Variants in CASD1 observed in about 807,000 individuals in gnomAD.
The protein encoded by CASD1 is CAS1 domain sialic acid O acetyltransferase 1.
In CASD1, 41 loss-of-function variants were observed where a neutral mutation model predicts 100.0. The observed-to-expected ratio is 0.41, with a 90% CI of 0.32 to 0.53. The LOEUF is 0.53. CASD1 is among the 20% of genes least tolerant of loss of function. CASD1 has a pLI of 0.25. For synonymous variants in CASD1, 321 were observed against 315.6 expected, an observed-to-expected ratio of 1.02 and a Z score of -0.18; for missense variants, 774 against 948.7, an observed-to-expected ratio of 0.82 and a Z score of 2.42.
the CASD1 span, chr7:94,623,883 C>T: frequency 2.8e-6 from 1 of 356,816 alleles, no homozygotes; most frequent in Non-Finnish European, 5.0e-6. Flanking sequence ...ATAAATAACC[C>T]TTTGGAAATC....
At chr7:94,539,428 G>A (rs546596838) in intron 10 of CASD1, among the ~76,000 whole-genome samples, 3 of 151,950 alleles carry the variant, frequency 2.0e-5, no homozygotes, top group Non-Finnish European at 4.4e-5. Flanking sequence ...TAGCACTTTC[G>A]GAGGCCGAGG....
intron 13 of CASD1, among the ~76,000 whole-genome samples, chr7:94,549,064 G>A (rs1562948888): frequency 6.6e-6 from 1 of 152,042 alleles, no homozygotes; most frequent in African/African-American, 2.4e-5. Flanking sequence ...GAGGACATTT[G>A]GAGAATGATA....
chr7:94,600,776 G>A, the CASD1 span: 3 of 1,613,598 alleles, frequency 1.9e-6, no homozygotes, highest in Non-Finnish European at 2.5e-6. Flanking sequence ...TCAGAAGGGG[G>A]TTTGTATTCT....
chr7:94,524,765 A>T (rs2116248096), intron 3 of CASD1, among the ~76,000 whole-genome samples: 1 of 152,260 alleles, frequency 6.6e-6, no homozygotes, highest in African/African-American at 2.4e-5. Flanking sequence ...ATGATACTTG[A>T]TATTAATAAA....
chr7:94,615,401 GATAGATAGATA>G, the CASD1 span, among the ~76,000 whole-genome samples: 2 of 149,988 alleles, frequency 1.3e-5, no homozygotes, highest in East Asian at 3.9e-4. Flanking sequence ...TAGATAGATA[GATAGATAGATA>G]GATAGATAGA....
At chr7:94,587,895 T>C in the CASD1 span, 7 of 1,495,890 alleles carry the variant, frequency 4.7e-6, no homozygotes, top group Non-Finnish European at 6.2e-6. Context: ...CTGAAGTTTT[T>C]AAGAGACTTA....
the CASD1 span, among the ~76,000 whole-genome samples, chr7:94,575,008 T>G: frequency 4.7e-3 from 722 of 152,144 alleles, 6 homozygotes; most frequent in African/African-American, 0.016. Flanking sequence ...TTCCTGGATT[T>G]GTTGATCTTT....
the CASD1 span, chr7:94,597,087 G>A: frequency 2.0e-5 from 3 of 151,726 alleles, no homozygotes; most frequent in Non-Finnish European, 4.4e-5. Context: ...CATAATAGGT[G>A]GGCTACTGAC....
Position 94,547,154 on chromosome 7 carries a change from A to G in CASD1, c.1692A>G (p.Ile564Met). Residue 564 changes from isoleucine to methionine, a missense_variant, in exon 13 of 18, where the codon ATA (isoleucine) becomes ATG (methionine). Ile to Met is a conservative substitution (Grantham distance 10, BLOSUM62 1). Coordinates refer to ENST00000297273, the MANE Select transcript of CASD1 (RefSeq NM_022900.5). ...LLKLGFLLLF[I>M]CFLAYSQGAF... ...AACTAGGCTTTTTGCTGTTATTCAT[A>G]TGTTTTTTGGCATATTCTCAGGTTT... 6.3e-7 allele frequency: 1 copy of G among 1,589,308 alleles called. No individual in the cohort carries two copies. The highest frequency in any genetic ancestry group is 1.2e-5 in the South Asian group (1 of 85,048).
chr7:94,627,162 A>G, the CASD1 span: 4 of 152,218 alleles, frequency 2.6e-5, no homozygotes, highest in African/African-American at 9.6e-5. Context: ...TTCAATTCCA[A>G]CTGAATTGGC....
At chr7:94,583,266 A>G in the CASD1 span, among the ~76,000 whole-genome samples, 1 of 152,198 alleles carries the variant, frequency 6.6e-6, no homozygotes, top group East Asian at 1.9e-4. Flanking sequence ...TGACCTAAAT[A>G]AATGTTTAGG....
At chr7:94,564,113 G>C in the CASD1 span, among the ~76,000 whole-genome samples, 2 of 152,186 alleles carry the variant, frequency 1.3e-5, no homozygotes, top group African/African-American at 4.8e-5. Flanking sequence ...AAGCAAATGA[G>C]TATTTTTGTC....
chr7:94,553,221 G>A (rs1196195932), intron 16 of CASD1: 1 of 285,544 alleles, frequency 3.5e-6, no homozygotes, highest in Non-Finnish European at 7.1e-6. Flanking sequence ...GCTATAGTAA[G>A]TACCTTATGT....
At chr7:94,574,711 G>A in the CASD1 span, among the ~76,000 whole-genome samples, 10 of 150,574 alleles carry the variant, frequency 6.6e-5, no homozygotes, top group Non-Finnish European at 1.2e-4. Context: ...TGGCTCATGC[G>A]TGTAATCCCA....
Position 94,533,691 on chromosome 7 carries a change from A to G in CASD1, c.517A>G (p.Ile173Val). The change falls in exon 7 of 18, where the codon ATT becomes GTT. Residue 173 changes from isoleucine (I) to valine (V), a missense_variant. Transcript: ENST00000297273. The part of the protein sequence containing the change: ...VAGAATWSIK[I>V]HNGSSEALSQ... ...TACTTCTTTTTAGTGGTCCATCAAGATTCACAATGGTAGCAGTGAAGCGCT... is the reference window on the plus strand; with the variant it reads ...TACTTCTTTTTAGTGGTCCATCAAGGTTCACAATGGTAGCAGTGAAGCGCT... 1 of 1,598,182 alleles carries G rather than the reference A, an allele frequency of 6.3e-7. No homozygotes were observed. Among genetic ancestry groups the G allele is most frequent in the Non-Finnish European group, 8.5e-7 (1 of 1,173,078 alleles).
the CASD1 span, among the ~76,000 whole-genome samples, chr7:94,573,238 AT>A: frequency 3.9e-5 from 6 of 152,182 alleles, no homozygotes; most frequent in Admixed American, 6.5e-5. Flanking sequence ...GAATTTTAAA[AT>A]AGTTTTTTTT....
At chr7:94,616,383 G>A in the CASD1 span, among the ~76,000 whole-genome samples, 2 of 152,122 alleles carry the variant, frequency 1.3e-5, no homozygotes, top group African/African-American at 4.8e-5. Flanking sequence ...CTTATGCTAA[G>A]TATTACACAA....
intron 6 of CASD1, 133 bp from the exon 7 acceptor site, chr7:94,533,546 A>G: frequency 1.4e-6 from 1 of 696,800 alleles, no homozygotes; most frequent in Non-Finnish European, 2.2e-6. Context: ...AACTAATTTG[A>G]CTGAATTTTA....
the CASD1 span, among the ~76,000 whole-genome samples, chr7:94,584,826 C>T: frequency 6.6e-6 from 1 of 152,142 alleles, no homozygotes; most frequent in African/African-American, 2.4e-5. Flanking sequence ...TGTAACAGCT[C>T]CTGTCTTGCT....
Sources: allele counts gnomAD v4.1 joint callset (sites outside exome capture counted in the v4.1 genomes callset), GRCh38; gene constraint gnomAD v4.1.1; transcripts MANE v1.5; gene names NCBI Gene and HGNC (gene_info 2026-07-23, HGNC 2026-07-21).